Variants in NCAM1 observed in about 807,000 individuals in gnomAD.
The protein encoded by NCAM1 is neural cell adhesion molecule 1.
NCAM1 carries 14 observed loss-of-function variants against 109.8 expected under a neutral mutation model. That is an observed-to-expected ratio of 0.13 (90% CI 0.08 to 0.20). NCAM1 has a LOEUF of 0.20. Among genes scored for constraint, NCAM1 ranks in the 10% least tolerant of loss-of-function variants. The pLI is 1.00. For synonymous variants in NCAM1, 418 were observed against 442.9 expected (o/e 0.94, Z 0.70); for missense variants, 774 against 1,109.9 (o/e 0.70, Z 4.30).
Position 113,264,865 on chromosome 11 carries a change from G to A in NCAM1, c.2131+4542G>A, listed in dbSNP as rs185805716. 40 of 985,514 alleles carry A rather than the reference G, an allele frequency of 4.1e-5. No homozygotes were observed. In the South Asian group the frequency reaches 7.0e-4, roughly 17 times the overall value. The allele number at this position is 985,514 out of a possible 1,614,324, so 61.0% of individuals were successfully genotyped here. On this transcript the variant is annotated intron_variant, in intron 17 of 19. Coordinates refer to ENST00000316851, the MANE Select transcript of NCAM1 (RefSeq NM_181351.5). ...GCGCTCCTCAGGAGGCAGCACTAGC[G>A]CATACCCACTCCCCACGGACACTGA...
At position 113,277,653 on chromosome 11, in the gene NCAM1, T is replaced by A. The variant is rs1373245904; in HGVS notation, c.*2266T>A. ...TACCTTGTCAAGACTGTCAAAGTGG[T>A]TGTGGTTAGGTCAAACTGGTTTTGG... On this transcript the variant is annotated 3_prime_UTR_variant, in exon 20 of 20. Coordinates refer to ENST00000316851, the MANE Select transcript of NCAM1 (RefSeq NM_181351.5). 7.8e-6 allele frequency: 3 copies of A among 382,518 alleles called. No homozygotes were observed. The highest frequency in any genetic ancestry group is 1.4e-5 in the Non-Finnish European group (3 of 216,680). The allele number at this position is 382,518 out of a possible 1,614,324, so 23.7% of individuals were successfully genotyped here.
At chr11:112,986,452 C>CT (rs1951307659) in intron 1 of NCAM1, among the ~76,000 whole-genome samples, 1 of 151,898 alleles carries the variant, frequency 6.6e-6, no homozygotes, top group African/African-American at 2.4e-5. Context: ...GTTCCTTCCT[C>CT]TTTAACTTTT....
At chr11:113,157,417 C>A (rs17115031) in intron 1 of NCAM1, among the ~76,000 whole-genome samples, 1,799 of 152,262 alleles carry the variant, frequency 0.012, 39 homozygotes, top group African/African-American at 0.041. Context: ...CTATTTGGAG[C>A]AATTGTCAAT....
intron 19 of NCAM1, 52 bp from the exon 20 acceptor site, chr11:113,275,215 A>G: frequency 6.2e-7 from 1 of 1,607,746 alleles, no homozygotes; most frequent in Non-Finnish European, 8.5e-7. Context: ...TGCAGGGGCG[A>G]GATGTCTGCA....
At chr11:113,019,407 GA>G (rs528267447) in intron 1 of NCAM1, among the ~76,000 whole-genome samples, 7 of 152,298 alleles carry the variant, frequency 4.6e-5, no homozygotes, top group Admixed American at 2.6e-4. Context: ...TTCAATAGCT[GA>G]TGATAAACTC....
At chr11:113,037,547 C>T (rs1483774813) in intron 1 of NCAM1, among the ~76,000 whole-genome samples, 13 of 152,198 alleles carry the variant, frequency 8.5e-5, no homozygotes, top group Non-Finnish European at 1.3e-4. Context: ...CCCCTGAACA[C>T]AGGGTCTGTT....
At chr11:112,997,926 T>A (rs11214449) in intron 1 of NCAM1, among the ~76,000 whole-genome samples, 20,754 of 152,152 alleles carry the variant, frequency 0.14, 1,777 homozygotes, top group South Asian at 0.4. Flanking sequence ...AAGACACTTT[T>A]GCTTCGATCC....
At chr11:113,248,562 G>C (rs549619847) in intron 15 of NCAM1, among the ~76,000 whole-genome samples, 54 of 152,218 alleles carry the variant, frequency 3.5e-4, no homozygotes, top group African/African-American at 1.3e-3. Context: ...GGGGGGTGAG[G>C]GGGGAGCTTT....
chr11:113,212,723 CTT>C (rs1491392590), intron 7 of NCAM1, among the ~76,000 whole-genome samples: 3 of 152,020 alleles, frequency 2.0e-5, no homozygotes, highest in Non-Finnish European at 2.9e-5. Flanking sequence ...TTTTATTAAC[CTT>C]TTTGTTTTTC....
intron 1 of NCAM1, among the ~76,000 whole-genome samples, chr11:113,097,357 G>T (rs1417885528): frequency 5.9e-5 from 9 of 152,190 alleles, no homozygotes; most frequent in Admixed American, 1.3e-4. Flanking sequence ...TAGGTTTTAT[G>T]TCTTACTTCT....
At chr11:113,111,705 CTTG>C (rs1352517070) in intron 1 of NCAM1, among the ~76,000 whole-genome samples, 1 of 152,100 alleles carries the variant, frequency 6.6e-6, no homozygotes, top group Non-Finnish European at 1.5e-5. Flanking sequence ...ATGTTAACAC[CTTG>C]TTGTGTATCC....
chr11:113,102,404 C>T (rs115894319), intron 1 of NCAM1, among the ~76,000 whole-genome samples: 149 of 152,276 alleles, frequency 9.8e-4, no homozygotes, highest in African/African-American at 3.4e-3. Context: ...AACTTGAAAT[C>T]AAATTTGCTG....
Position 113,061,415 on chromosome 11 carries a change from T to A in NCAM1, c.52+99751T>A, listed in dbSNP as rs188571557. Among the ~76,000 whole-genome samples, 216 of 152,302 alleles carry A rather than the reference T, an allele frequency of 1.4e-3. 1 individual carries two copies. Among genetic ancestry groups the A allele is most frequent in the Non-Finnish European group, 2.6e-3 (179 of 68,016 alleles). On this transcript the variant is annotated intron_variant, in intron 1 of 19. Transcript: ENST00000316851. ...GCAATACCTGCCTCCCAGACCTGTG[T>A]TTTATAAGTAATCTCAAAAGTAGGT... is the stretch of plus-strand genomic sequence containing the variant.
At chr11:113,033,463 T>C (rs1010256659) in intron 1 of NCAM1, among the ~76,000 whole-genome samples, 2 of 152,216 alleles carry the variant, frequency 1.3e-5, no homozygotes, top group East Asian at 1.9e-4. Context: ...GATGAAAATA[T>C]ACAAGTTTCT....
At chr11:113,270,895 A>ACAG (rs1946254092) in intron 18 of NCAM1, among the ~76,000 whole-genome samples, 1 of 152,192 alleles carries the variant, frequency 6.6e-6, no homozygotes, top group Non-Finnish European at 1.5e-5. Context: ...GATGATCCAG[A>ACAG]TACTGTCCCT....
intron 1 of NCAM1, among the ~76,000 whole-genome samples, chr11:113,068,596 T>C (rs1406921921): frequency 1.3e-5 from 2 of 152,214 alleles, no homozygotes; most frequent in Non-Finnish European, 2.9e-5. Flanking sequence ...AAGGCCAATA[T>C]AAATTCCTGT....
At position 113,270,170 on chromosome 11, in the gene NCAM1, ATC is replaced by A. The variant is rs1946235315; in HGVS notation, c.2132-11_2132-10del. ...CATCTCAGTCTGTTAACCACCAGCC[ATC>A]TCTCTCCCACTCAAGCCAACGGCAG... On this transcript the variant is annotated splice_polypyrimidine_tract_variant and intron_variant, in intron 17 of 19. Transcript: ENST00000316851. The A allele has an allele frequency of 6.2e-7, 1 of 1,613,322 alleles. No individual in the cohort carries two copies. Among genetic ancestry groups the A allele is most frequent in the Admixed American group, 1.7e-5 (1 of 60,020 alleles).
intron 14 of NCAM1, 86 bp from the exon 15 acceptor site, chr11:113,246,282 T>C (rs1444050515): frequency 1.5e-6 from 1 of 686,608 alleles, no homozygotes; most frequent in East Asian, 2.7e-5. Flanking sequence ...CACTTTCCTT[T>C]CAACCAATAT....
chr11:113,107,091 A>T (rs920129), intron 1 of NCAM1, among the ~76,000 whole-genome samples: 75,340 of 152,094 alleles, frequency 0.5, 19,508 homozygotes, highest in Middle Eastern at 0.55. Flanking sequence ...CATCTTGAAA[A>T]GAGACTGGAT....
Sources: allele counts gnomAD v4.1 joint callset (sites outside exome capture counted in the v4.1 genomes callset), GRCh38; gene constraint gnomAD v4.1.1; transcripts MANE v1.5; gene names NCBI Gene and HGNC (gene_info 2026-07-23, HGNC 2026-07-21).